Variants in EPHA2 observed in about 807,000 individuals in gnomAD.
The protein encoded by EPHA2 is EPH receptor A2, also known as ephrin type-A receptor 2.
EPHA2 carries 54 observed loss-of-function variants against 104.9 expected under a neutral mutation model. That is an observed-to-expected ratio of 0.51 (90% confidence interval 0.41 to 0.65). The LOEUF (loss-of-function observed/expected upper bound fraction) is 0.65. EPHA2 is among the 30% of genes least tolerant of loss of function. The pLI is 0.00. For synonymous variants in EPHA2, 560 were observed against 559.1 expected, an observed-to-expected ratio of 1.00 and a Z score of -0.02; for missense variants, 1,117 against 1,369.5, an observed-to-expected ratio of 0.82 and a Z score of 2.91.
At chr1:16,132,542 CACAGGTGTGGGGAGAGGTGGA>C in intron 11 of EPHA2, 103 bp from the exon 12 acceptor site, 1 of 1,284,692 alleles carries the variant, frequency 7.8e-7, no homozygotes. Context: ...GAGAGGTGGG[CACAGGTGTGGGGAGAGGTGGA>C]ACAGGTGTGG....
At chr1:16,154,615 C>G (rs2025113120) in intron 1 of EPHA2, among the ~76,000 whole-genome samples, 1 of 151,840 alleles carries the variant, frequency 6.6e-6, no homozygotes, top group Non-Finnish European at 1.5e-5. Flanking sequence ...ATTAGACGCG[C>G]CTGGTGGCGG....
In EPHA2 at chr1:16,125,260, C is replaced by T. The variant is rs1329542226; in HGVS notation, c.2886G>A (p.Leu962=). The T allele has an allele frequency of 6.2e-7, 1 of 1,613,992 alleles. No individual in the cohort carries two copies. The highest frequency in any genetic ancestry group is 1.7e-5 in the Admixed American group (1 of 60,004). ...TGTTCACCTGGTCCTTGAGTCCCAG[C>T]AGGCTGTAGGCGATGCGCTTCTGGT... ...PGHQKRIAYS[L]LGLKDQVNTV... Residue 962 remains leucine (L), a synonymous_variant, in exon 17 of 17, where the codon CTG becomes CTA. Coordinates refer to ENST00000358432, the MANE Select transcript of EPHA2 (RefSeq NM_004431.5). This position sits in a 1 kb window ranked among gnomAD's most constrained non-coding sequence, Gnocchi z 4.9.
rs2124213358 is a variant in EPHA2, at chr1:16,135,070, C to T, written c.1548G>A (p.Gly516=). Residue 516 remains glycine (G), a synonymous_variant, in exon 7 of 17, where the codon GGG becomes GGA. Transcript: ENST00000358432. This position sits in a 1 kb window ranked among gnomAD's most constrained non-coding sequence, Gnocchi z 4.3. ...QVQALTQEGQ[G]AGSKVHEFQT... ...GGAATTCGTGCACCTTGCTGCCGGC[C>T]CCCTGGCCCTCCTGCGTCAGTGCCT... The T allele has an allele frequency of 6.2e-7, 1 of 1,613,686 alleles. No individual in the cohort carries two copies. The highest frequency in any genetic ancestry group is 1.1e-5 in the South Asian group (1 of 91,084).
In EPHA2 at chr1:16,134,675, C is replaced by T. The variant is rs1384602916; in HGVS notation, c.1583-108G>A. On this transcript the variant is annotated intron_variant, in intron 7 of 16. Transcript: ENST00000358432. This position sits in a 1 kb window ranked among gnomAD's most constrained non-coding sequence, Gnocchi z 4.5. Reference sequence around the variant, plus strand: ...CCCTACTGTGTGCTGGGTGCTTGCACTTGGGAAGGCTCCAGAGGGTACTTA... The same window carrying T: ...CCCTACTGTGTGCTGGGTGCTTGCATTTGGGAAGGCTCCAGAGGGTACTTA... 2 of 1,192,808 alleles carry T rather than the reference C, an allele frequency of 1.7e-6. No homozygotes were observed. Among genetic ancestry groups the T allele is most frequent in the African/African-American group, 3.0e-5 (2 of 65,958 alleles). The allele number at this position is 1,192,808 out of a possible 1,614,324, so 73.9% of individuals were successfully genotyped here. A position where few individuals can be genotyped will look rare whatever the true frequency, so the allele number is the denominator to read the frequency against.
intron 3 of EPHA2, among the ~76,000 whole-genome samples, chr1:16,138,981 G>A (rs935169753): frequency 6.6e-6 from 1 of 152,206 alleles, no homozygotes; most frequent in Admixed American, 6.5e-5. Flanking sequence ...TCCAGCCCAG[G>A]ACCTGCCCTC....
At position 16,148,448 on chromosome 1, in the gene EPHA2, G is replaced by C. The variant is rs754842935; in HGVS notation, c.753C>G (p.Gly251=). 2 of 1,613,642 alleles carry C rather than the reference G, an allele frequency of 1.2e-6. No homozygotes were observed. The highest frequency in any genetic ancestry group is 1.7e-6 in the Non-Finnish European group (2 of 1,180,040). ...ACTGCCCAATGGGCACCAGCCACTC[G>C]CCATCCACTGCACAGTGCATACGGG... ...EEPRMHCAVD[G]EWLVPIGQCL... is the part of the protein sequence containing the mutation. The change falls in exon 3 of 17, where the codon GGC becomes GGG. Residue 251 remains glycine (G), a synonymous_variant. Transcript: ENST00000358432. The surrounding 1 kb of genome is among the most constrained non-coding windows in gnomAD (Gnocchi z 4.9).
Position 16,135,586 on chromosome 1 carries a change from C to G in EPHA2, c.1428+69G>C, listed in dbSNP as rs765212354. On this transcript the variant is annotated intron_variant, in intron 6 of 16. Coordinates refer to ENST00000358432, the MANE Select transcript of EPHA2 (RefSeq NM_004431.5). The surrounding 1 kb of genome is among the most constrained non-coding windows in gnomAD (Gnocchi z 4.3). ...TCAGATGGCTGGGTGGTTTGGTGAT[C>G]ATCTATGTGACCAGCCTGTCCCCTG... The G allele has an allele frequency of 6.9e-6, 10 of 1,445,124 alleles. No individual in the cohort carries two copies. Among genetic ancestry groups the G allele is most frequent in the South Asian group, 5.7e-5 (5 of 87,648 alleles). The allele number at this position is 1,445,124 out of a possible 1,614,324, so 89.5% of individuals were successfully genotyped here. A position where few individuals can be genotyped will look rare whatever the true frequency, so the allele number is the denominator to read the frequency against.
At chr1:16,151,111 T>A in intron 1 of EPHA2, 148 bp from the exon 2 acceptor site, 1 of 729,060 alleles carries the variant, frequency 1.4e-6, no homozygotes, top group Non-Finnish European at 2.3e-6. Flanking sequence ...TCCAAGAAAA[T>A]CATCCCTCGA....
In EPHA2 at chr1:16,129,601, AGCAC is replaced by A. The variant is rs1225864774; in HGVS notation, c.2670-16_2670-13del. ...GCCGGATAGACACGCTGCAACAGGA[AGCAC>A]TGCAGGTGAGGGGCTGCAGCACCCA... On this transcript the variant is annotated splice_polypyrimidine_tract_variant and intron_variant, in intron 15 of 16. Transcript: ENST00000358432. 6.2e-7 allele frequency: 1 copy of A among 1,605,882 alleles called. No homozygotes were observed. Among genetic ancestry groups the A allele is most frequent in the South Asian group, 1.1e-5 (1 of 90,922 alleles).
Position 16,128,403 on chromosome 1 carries a change from C to A in EPHA2, c.2825+1031G>T, listed in dbSNP as rs1377841087. Among the ~76,000 whole-genome samples, 1 of 152,222 alleles carries A rather than the reference C, an allele frequency of 6.6e-6. No individual in the cohort carries two copies. Among genetic ancestry groups the A allele is most frequent in the Non-Finnish European group, 1.5e-5 (1 of 68,042 alleles). On this transcript the variant is annotated intron_variant, in intron 16 of 16. Coordinates refer to ENST00000358432, the MANE Select transcript of EPHA2 (RefSeq NM_004431.5). This position sits in a 1 kb window ranked among gnomAD's most constrained non-coding sequence, Gnocchi z 4.7. ...TGAGGGAGGCTATGGCCTTGGCCAGCAGGTTGGGAGCCCAGCTGAGCAATT... is the reference window on the plus strand; with the variant it reads ...TGAGGGAGGCTATGGCCTTGGCCAGAAGGTTGGGAGCCCAGCTGAGCAATT...
rs997155160 is a variant in EPHA2, at chr1:16,134,782, T to C, written c.1583-215A>G. On this transcript the variant is annotated intron_variant, in intron 7 of 16. Coordinates refer to ENST00000358432, the MANE Select transcript of EPHA2 (RefSeq NM_004431.5). This position sits in a 1 kb window ranked among gnomAD's most constrained non-coding sequence, Gnocchi z 4.5. ...TGCAGGTATGTGGGGCTCAAAGCTC[T>C]GGCTTTTTCTGAGATGCGGATTTGA... 1.3e-5 allele frequency among the ~76,000 whole-genome samples: 2 copies of C among 152,190 alleles called. No homozygotes were observed. The highest frequency in any genetic ancestry group is 2.4e-5 in the African/African-American group (1 of 41,444).
At position 16,132,085 on chromosome 1, in the gene EPHA2, G is replaced by A. The variant is rs780234889; in HGVS notation, c.2304C>T (p.Pro768=). ...FGLSRVLEDD[P]EATYTTSGGK... ...TTACACTGGTGGTGTAGGTGGCCTC[G>A]GGGTCGTCCTCCAGCACGCGGGACA... is the stretch of plus-strand genomic sequence containing the variant. The change falls in exon 13 of 17, where the codon CCC becomes CCT. Residue 768 remains proline (P), a synonymous_variant. Coordinates refer to ENST00000358432, the MANE Select transcript of EPHA2 (RefSeq NM_004431.5). 6.8e-6 allele frequency: 11 copies of A among 1,614,044 alleles called. No homozygotes were observed. The highest frequency in any genetic ancestry group is 4.0e-5 in the African/African-American group (3 of 74,942).
At chr1:16,137,717 C>A in intron 5 of EPHA2, 136 bp downstream of exon 5, 1 of 1,061,492 alleles carries the variant, frequency 9.4e-7, no homozygotes, top group Non-Finnish European at 1.4e-6. Flanking sequence ...GTTGGACAAG[C>A]TTGCTCTAGA....
In EPHA2 at chr1:16,125,319, C is replaced by T; in HGVS notation, c.2827G>A (p.Asp943Asn). Residue 943 changes from aspartate (D) to asparagine (N), a missense_variant and splice_region_variant, in exon 17 of 17, where the codon GAC becomes AAC. This residue lies in a region of EPHA2 where 340 missense variants were observed against 480.5 expected (regional missense o/e 0.71). Transcript: ENST00000358432. The surrounding 1 kb of genome is among the most constrained non-coding windows in gnomAD (Gnocchi z 4.9). The stretch of plus-strand genomic sequence containing the variant: ...AGCCGCACCCCAATCCTCTTGATGT[C>T]GCTGTGGGCCGGGAGGGAGAGAGGG... Reference protein sequence around the residue: ...IEKVVQMTNDDIKRIGVRLPG... With the variant: ...IEKVVQMTNDNIKRIGVRLPG... 1 of 1,379,892 alleles carries T rather than the reference C, an allele frequency of 7.2e-7. No homozygotes were observed. Among genetic ancestry groups the T allele is most frequent in the Non-Finnish European group, 9.7e-7 (1 of 1,032,584 alleles). The allele number at this position is 1,379,892 out of a possible 1,614,324, so 85.5% of individuals were successfully genotyped here. A position where few individuals can be genotyped will look rare whatever the true frequency, so the allele number is the denominator to read the frequency against.
chr1:16,147,745 C>T (rs897698249), intron 3 of EPHA2, among the ~76,000 whole-genome samples: 1 of 151,270 alleles, frequency 6.6e-6, no homozygotes, highest in Non-Finnish European at 1.5e-5. Flanking sequence ...AACCCAGGCA[C>T]AGAGAGGTCA....
chr1:16,137,834 T>G lies in EPHA2; in HGVS notation c.1312+19A>C, dbSNP rs1239501999. 2 of 1,613,150 alleles carry G rather than the reference T, an allele frequency of 1.2e-6. No individual in the cohort carries two copies. Among genetic ancestry groups the G allele is most frequent in the Non-Finnish European group, 1.7e-6 (2 of 1,179,854 alleles). ...CTGGGCAGGCCCCATAGGGCACAGC[T>G]GCCACCCCTGGACCTCACCTGTCTG... On this transcript the variant is annotated intron_variant, in intron 5 of 16. Coordinates refer to ENST00000358432, the MANE Select transcript of EPHA2 (RefSeq NM_004431.5).
At chr1:16,149,850 G>A (rs1217770045) in intron 2 of EPHA2, among the ~76,000 whole-genome samples, 2 of 152,206 alleles carry the variant, frequency 1.3e-5, no homozygotes, top group African/African-American at 2.4e-5. Context: ...CCTGTGTCCC[G>A]AGAGCCGGCC....
At chr1:16,154,916 A>G (rs1368664788) in intron 1 of EPHA2, among the ~76,000 whole-genome samples, 2 of 152,072 alleles carry the variant, frequency 1.3e-5, no homozygotes, top group Admixed American at 1.3e-4. Context: ...GGCTGGGTGG[A>G]CAGGAAGGTC....
chr1:16,149,833 C>T (rs755817840), intron 2 of EPHA2, among the ~76,000 whole-genome samples: 7 of 152,196 alleles, frequency 4.6e-5, no homozygotes, highest in Non-Finnish European at 8.8e-5. Flanking sequence ...ATCTAATTCA[C>T]CTGTGTCCTG....
Sources: allele counts gnomAD v4.1 joint callset (sites outside exome capture counted in the v4.1 genomes callset), GRCh38; gene constraint gnomAD v4.1.1; regional missense constraint gnomAD v4.1.1; non-coding constraint Gnocchi (gnomAD v3.1); transcripts MANE v1.5; gene names NCBI Gene and HGNC (gene_info 2026-07-23, HGNC 2026-07-21).